The following TNS3 variants were observed in gnomAD, a reference collection of about 807,000 sequenced individuals.
TNS3 encodes the protein tensin-3.
TNS3 carries 45 observed loss-of-function variants against 140.9 expected under a neutral mutation model. The ratio of observed to expected loss-of-function variants is 0.32; its 90% CI spans 0.25 to 0.41. The LOEUF (loss-of-function observed/expected upper bound fraction) is 0.41, where lower values mean the gene tolerates loss of function less well. Ranked by LOEUF, TNS3 falls within the 10% of genes least tolerant of loss-of-function variation. The probability of loss-of-function intolerance (pLI) is 1.00; values close to 1 mark genes in which losing one functional copy is unlikely to be tolerated. For missense variants in TNS3, 1,716 were observed against 1,906.7 expected (o/e 0.90, Z 1.86); for synonymous variants, 815 against 788.4 (o/e 1.03, Z -0.56).
rs1192139097 is a variant in TNS3, at chr7:47,437,259, G to A, written c.201+4C>T. On this transcript the variant is annotated splice_donor_region_variant and intron_variant, in intron 7 of 30. Coordinates refer to ENST00000311160, the MANE Select transcript of TNS3 (RefSeq NM_022748.12). ...TGCAGAATATAAAGGGATGAACTCT[G>A]TACCTTTGGGTTAAGCTTCGTAAGG... 3 of 1,555,370 alleles carry A rather than the reference G, an allele frequency of 1.9e-6. No homozygotes were observed. The highest frequency in any genetic ancestry group is 2.6e-6 in the Non-Finnish European group (3 of 1,156,214).
At chr7:47,389,082 A>AGGAAGTGGAAGC (rs1792311821) in intron 16 of TNS3, among the ~76,000 whole-genome samples, 2 of 71,256 alleles carry the variant, frequency 2.8e-5, no homozygotes, top group East Asian at 6.1e-4. Context: ...GAAGAAGAAG[A>AGGAAGTGGAAGC]AGAGGAAGAG....
Position 47,389,004 on chromosome 7 carries a change from AAGAAGAAG to A in TNS3, c.1024+7788_1024+7795del, listed in dbSNP as rs1792257950. On this transcript the variant is annotated intron_variant, in intron 16 of 30. Transcript: ENST00000311160. Reference sequence around the variant, plus strand: ...CAGCAGAGGAAGAAGAAGAAGAAGGAAGAAGAAGAAGAAGAAGAAGAAGAAGAAGAAGA... The same window carrying A: ...CAGCAGAGGAAGAAGAAGAAGAAGGAAAGAAGAAGAAGAAGAAGAAGAAGA... 4.6e-3 allele frequency among the ~76,000 whole-genome samples: 259 copies of A among 56,806 alleles called. 50 individuals carry two copies. The highest frequency in any genetic ancestry group is 0.016 in the African/African-American group (246 of 15,364). 37.3% of individuals were successfully genotyped at this position (56,806 alleles called of 152,430 possible).
chr7:47,548,639 G>C (rs1799984227), intron 1 of TNS3, among the ~76,000 whole-genome samples: 1 of 152,078 alleles, frequency 6.6e-6, no homozygotes, highest in South Asian at 2.1e-4. Flanking sequence ...TTATCCCCTT[G>C]GGTACTTCTA....
At chr7:47,343,305 T>C (rs1291533423) in intron 20 of TNS3, among the ~76,000 whole-genome samples, 2 of 152,232 alleles carry the variant, frequency 1.3e-5, no homozygotes, top group Non-Finnish European at 2.9e-5. Context: ...TAGACCCTTC[T>C]GGAGTTTAGA....
At chr7:47,543,387 G>A (rs1181436334) in intron 1 of TNS3, among the ~76,000 whole-genome samples, 1 of 152,210 alleles carries the variant, frequency 6.6e-6, no homozygotes. Flanking sequence ...AAGTCCCAGG[G>A]GCTCAGGATA....
rs567830487 is a variant in TNS3, at chr7:47,280,552, T to C, written c.4098-198A>G. On this transcript the variant is annotated intron_variant, in intron 28 of 30. Coordinates refer to ENST00000311160, the MANE Select transcript of TNS3 (RefSeq NM_022748.12). The stretch of plus-strand genomic sequence containing the variant: ...GTCATGAAGCTGGGCAGAACAGTTG[T>C]TACCAGTAGACGGAAGCACCACACA... Among the ~76,000 whole-genome samples the C allele has an allele frequency of 9.2e-5, 14 of 152,340 alleles. No homozygotes were observed. The East Asian group carries it at 2.7e-3, about 29-fold the overall frequency.
intron 3 of TNS3, among the ~76,000 whole-genome samples, chr7:47,495,277 A>T (rs1292789102): frequency 6.6e-6 from 1 of 152,006 alleles, no homozygotes; most frequent in Non-Finnish European, 1.5e-5. Flanking sequence ...GCGCATGCAC[A>T]GCAACACTGG....
chr7:47,581,937 C>G (rs1206444698), intron 1 of TNS3, 114 bp downstream of exon 1: 1 of 152,020 alleles, frequency 6.6e-6, no homozygotes, highest in Non-Finnish European at 1.5e-5. Flanking sequence ...AGCTCCAGAT[C>G]TCTGTGCTCC....
At chr7:47,508,199 A>G (rs1337568863) in intron 2 of TNS3, among the ~76,000 whole-genome samples, 1 of 152,160 alleles carries the variant, frequency 6.6e-6, no homozygotes, top group Non-Finnish European at 1.5e-5. Context: ...TGAGGATGAA[A>G]CAGATAAGGT....
intron 20 of TNS3, among the ~76,000 whole-genome samples, chr7:47,341,321 ATTC>A (rs1789004198): frequency 6.6e-6 from 1 of 152,162 alleles, no homozygotes; most frequent in South Asian, 2.1e-4. Flanking sequence ...ATCAGTGTTA[ATTC>A]TTCTTTACAT....
At chr7:47,327,134 TC>T (rs1382955531) in intron 20 of TNS3, among the ~76,000 whole-genome samples, 2 of 152,146 alleles carry the variant, frequency 1.3e-5, no homozygotes, top group Admixed American at 1.3e-4. Flanking sequence ...TGGCTGACTC[TC>T]CCAGGGTCCC....
Position 47,506,309 on chromosome 7 carries a change from G to A in TNS3, c.-115+598C>T, listed in dbSNP as rs114097697. 2.8e-3 allele frequency among the ~76,000 whole-genome samples: 421 copies of A among 152,130 alleles called. 3 individuals are homozygous for A. Among genetic ancestry groups the A allele is most frequent in the African/African-American group, 8.1e-3 (335 of 41,516 alleles). ...TTGGGGTGTCTGTCACTTCCCACAC[G>A]GCACTTCCAGGCCACCTCACTTCCC... On this transcript the variant is annotated intron_variant, in intron 3 of 30. Transcript: ENST00000311160.
chr7:47,488,052 G>T (rs1797675978), intron 3 of TNS3, among the ~76,000 whole-genome samples: 1 of 152,110 alleles, frequency 6.6e-6, no homozygotes, highest in South Asian at 2.1e-4. Context: ...TAGCAGCCTG[G>T]TTGCAAGGAG....
intron 8 of TNS3, among the ~76,000 whole-genome samples, chr7:47,433,757 C>T (rs981571857): frequency 6.6e-6 from 1 of 152,158 alleles, no homozygotes; most frequent in South Asian, 2.1e-4. Flanking sequence ...CAGCTTGCTA[C>T]GTGATCCTGG....
chr7:47,556,652 T>C (rs369488330), intron 1 of TNS3, among the ~76,000 whole-genome samples: 94 of 152,298 alleles, frequency 6.2e-4, no homozygotes, highest in African/African-American at 2.2e-3. Flanking sequence ...AGTGGGTACA[T>C]CTGAGTCACA....
chr7:47,506,750 T>C (rs1480370125), intron 3 of TNS3, among the ~76,000 whole-genome samples, 157 bp downstream of exon 3: 2 of 152,196 alleles, frequency 1.3e-5, no homozygotes, highest in African/African-American at 4.8e-5. Flanking sequence ...CTTTGGTTTA[T>C]CCTTGAGATG....
At chr7:47,440,262 C>T (rs1057322395) in intron 5 of TNS3, among the ~76,000 whole-genome samples, 5 of 152,078 alleles carry the variant, frequency 3.3e-5, no homozygotes, top group Non-Finnish European at 4.4e-5. Context: ...CAGGACCTCA[C>T]GTGGAGAGGG....
intron 28 of TNS3, among the ~76,000 whole-genome samples, chr7:47,282,795 C>G (rs77758537): frequency 0.027 from 4,136 of 152,238 alleles, 192 homozygotes; most frequent in African/African-American, 0.094. Flanking sequence ...GGGTGATGAG[C>G]TAAACCTGCC....
chr7:47,581,503 C>T (rs1784533725), intron 1 of TNS3: 1 of 152,304 alleles, frequency 6.6e-6, no homozygotes, highest in Non-Finnish European at 1.5e-5. Flanking sequence ...CTGCGCTCTC[C>T]ACCTGGAGTC....
Sources: allele counts gnomAD v4.1 joint callset (sites outside exome capture counted in the v4.1 genomes callset), GRCh38; gene constraint gnomAD v4.1.1; transcripts MANE v1.5; gene names NCBI Gene and HGNC (gene_info 2026-07-23, HGNC 2026-07-21).